NRG2: variants seen among roughly 807,000 people sequenced by gnomAD.
NRG2 encodes the protein pro-neuregulin-2, membrane-bound isoform.
Under a neutral mutation model 73.9 loss-of-function variants are expected in NRG2, and 27 were observed. That is an observed-to-expected ratio of 0.37 (90% CI 0.27 to 0.50). The LOEUF is 0.50. Ranked by LOEUF, NRG2 falls within the 20% of genes least tolerant of loss-of-function variation. The pLI, the probability that NRG2 is intolerant of heterozygous loss-of-function variation, is 0.96. For synonymous variants in NRG2, 532 were observed against 541.0 expected (o/e 0.98, Z 0.23); for missense variants, 1,126 against 1,210.1 (o/e 0.93, Z 1.03).
At chr5:139,975,456 C>T (rs1756315102) in intron 1 of NRG2, among the ~76,000 whole-genome samples, 1 of 152,174 alleles carries the variant, frequency 6.6e-6, no homozygotes, top group South Asian at 2.1e-4. Flanking sequence ...GTACCCCTCC[C>T]TGAGCTTGGT....
intron 1 of NRG2, among the ~76,000 whole-genome samples, chr5:139,957,377 GA>G (rs1444033151): frequency 6.6e-6 from 1 of 151,628 alleles, no homozygotes; most frequent in Non-Finnish European, 1.5e-5. Context: ...AGAATCCTGA[GA>G]ACAAGAGGCC....
chr5:139,900,309 T>C (rs1007403978), intron 1 of NRG2, among the ~76,000 whole-genome samples: 2 of 152,230 alleles, frequency 1.3e-5, no homozygotes, highest in Non-Finnish European at 2.9e-5. Flanking sequence ...ATTCACATAA[T>C]AGAAGCTCAG....
chr5:139,901,317 T>C (rs1289785268), intron 1 of NRG2, among the ~76,000 whole-genome samples: 3 of 152,182 alleles, frequency 2.0e-5, no homozygotes, highest in Admixed American at 1.3e-4. Flanking sequence ...TTGTTTGTAA[T>C]GAACCTCGAG....
intron 1 of NRG2, among the ~76,000 whole-genome samples, chr5:139,946,271 C>A (rs185724041): frequency 6.6e-6 from 1 of 152,070 alleles, no homozygotes; most frequent in East Asian, 1.9e-4. Context: ...AGAAACAGAT[C>A]AATAGAATAA....
At chr5:140,015,521 G>A (rs1759699753) in intron 1 of NRG2, among the ~76,000 whole-genome samples, 2 of 152,144 alleles carry the variant, frequency 1.3e-5, no homozygotes, top group Admixed American at 1.3e-4. Flanking sequence ...GATTCCATAA[G>A]TGTTGGTTAA....
At chr5:139,860,396 A>G (rs1055582768) in intron 5 of NRG2, among the ~76,000 whole-genome samples, 1 of 150,564 alleles carries the variant, frequency 6.6e-6, no homozygotes, top group Middle Eastern at 3.2e-3. Context: ...TTCAGAGTGC[A>G]GGCATGAGGT....
In NRG2 at chr5:139,904,536, C is replaced by A. The variant is rs755717196; in HGVS notation, c.701-17025G>T. On this transcript the variant is annotated intron_variant, in intron 1 of 9. Transcript: ENST00000361474. This position sits in a 1 kb window ranked among gnomAD's most constrained non-coding sequence, Gnocchi z 6.0. The stretch of plus-strand genomic sequence containing the variant: ...CCCTCCGGGGGAGGGGAGCAGCGAG[C>A]CTTAACTCTTCCCCTCCCGCGCCCT... The A allele has an allele frequency of 5.9e-6, 3 of 506,254 alleles. No individual in the cohort carries two copies. Among genetic ancestry groups the A allele is most frequent in the Admixed American group, 3.8e-5 (1 of 26,406 alleles). 31.4% of individuals were successfully genotyped at this position (506,254 alleles called of 1,614,324 possible).
At chr5:139,926,160 G>A (rs866349170) in intron 1 of NRG2, among the ~76,000 whole-genome samples, 2 of 152,234 alleles carry the variant, frequency 1.3e-5, no homozygotes, top group Non-Finnish European at 1.5e-5. Context: ...AGATGAACAC[G>A]CGAAGATTTG....
Position 140,043,086 on chromosome 5 carries a change from G to C in NRG2, c.-17C>G. 1.3e-6 allele frequency: 2 copies of C among 1,572,878 alleles called. No individual in the cohort carries two copies. Among genetic ancestry groups the C allele is most frequent in the South Asian group, 1.1e-5 (1 of 88,336 alleles). Reference sequence around the variant, plus strand: ...CTGCCGCATCTGGCCAGGCCATTTGGGGGGCTCCGCCGCTCAGCCGCCGCC... The same window carrying C: ...CTGCCGCATCTGGCCAGGCCATTTGCGGGGCTCCGCCGCTCAGCCGCCGCC... On this transcript the variant is annotated 5_prime_UTR_variant, in exon 1 of 10. Coordinates refer to ENST00000361474, the MANE Select transcript of NRG2 (RefSeq NM_004883.3). This position sits in a 1 kb window ranked among gnomAD's most constrained non-coding sequence, Gnocchi z 6.7.
At chr5:140,038,741 C>T (rs1761691352) in intron 1 of NRG2, among the ~76,000 whole-genome samples, 6 of 152,162 alleles carry the variant, frequency 3.9e-5, no homozygotes, top group Admixed American at 3.9e-4. Flanking sequence ...ATTGTTCCTA[C>T]CCCAAGAATG....
At chr5:139,927,768 A>G (rs1752174979) in intron 1 of NRG2, among the ~76,000 whole-genome samples, 1 of 139,162 alleles carries the variant, frequency 7.2e-6, no homozygotes, top group Non-Finnish European at 1.6e-5. Flanking sequence ...TTGTCTCAAA[A>G]AAAAAAAAAA....
intron 1 of NRG2, among the ~76,000 whole-genome samples, chr5:139,984,270 T>C (rs1355694972): frequency 6.6e-6 from 1 of 152,156 alleles, no homozygotes; most frequent in African/African-American, 2.4e-5. Context: ...CTTGGGAATT[T>C]GTTAAATAAA....
chr5:139,987,095 G>A (rs1339708584), intron 1 of NRG2, among the ~76,000 whole-genome samples: 3 of 152,042 alleles, frequency 2.0e-5, no homozygotes, highest in South Asian at 2.1e-4. Context: ...TTATGGGCTA[G>A]GCACGGTGGC....
At chr5:140,000,160 A>C (rs1580913148) in intron 1 of NRG2, among the ~76,000 whole-genome samples, 1 of 152,258 alleles carries the variant, frequency 6.6e-6, no homozygotes, top group East Asian at 1.9e-4. Context: ...CTGGGACAAC[A>C]GCAGAATCTA....
intron 1 of NRG2, among the ~76,000 whole-genome samples, chr5:140,038,343 A>G (rs1487019826): frequency 6.6e-6 from 1 of 152,160 alleles, no homozygotes; most frequent in African/African-American, 2.4e-5. Context: ...GTGGGCAAGT[A>G]GTAATCTACC....
intron 1 of NRG2, among the ~76,000 whole-genome samples, chr5:139,975,947 T>TAAC (rs1454089388): frequency 6.6e-6 from 1 of 152,250 alleles, no homozygotes; most frequent in Non-Finnish European, 1.5e-5. Flanking sequence ...CTAAAAATGC[T>TAAC]AACATTTATT....
chr5:139,926,270 A>G (rs1292377527), intron 1 of NRG2, among the ~76,000 whole-genome samples: 1 of 152,210 alleles, frequency 6.6e-6, no homozygotes, highest in African/African-American at 2.4e-5. Context: ...TGCTCCCTGC[A>G]CTTGATATTT....
chr5:140,041,666 T>TAAA (rs762926051), intron 1 of NRG2, among the ~76,000 whole-genome samples: 3,812 of 91,916 alleles, frequency 0.041, 165 homozygotes, highest in African/African-American at 0.11. Flanking sequence ...CAGAAACAGC[T>TAAA]AAAAAAAAAA....
intron 1 of NRG2, among the ~76,000 whole-genome samples, chr5:139,975,781 C>A (rs1756339490): frequency 6.6e-6 from 1 of 152,146 alleles, no homozygotes; most frequent in African/African-American, 2.4e-5. Flanking sequence ...CCTCAGTCCA[C>A]CAGAAGAAAA....
Sources: allele counts gnomAD v4.1 joint callset (sites outside exome capture counted in the v4.1 genomes callset), GRCh38; gene constraint gnomAD v4.1.1; non-coding constraint Gnocchi (gnomAD v3.1); transcripts MANE v1.5; gene names NCBI Gene and HGNC (gene_info 2026-07-23, HGNC 2026-07-21).